The following CEP85L variants were observed in gnomAD, a reference collection of about 807,000 sequenced individuals.
CEP85L encodes the protein centrosomal protein of 85 kDa-like.
A neutral mutation model predicts 100.3 loss-of-function variants in CEP85L; 60 were observed. The ratio of observed to expected loss-of-function variants is 0.60; its 90% CI spans 0.49 to 0.74. CEP85L has a LOEUF of 0.74. CEP85L is among the 30% of genes least tolerant of loss of function. The probability of loss-of-function intolerance (pLI) is 0.00; values close to 1 mark genes in which losing one functional copy is unlikely to be tolerated. For synonymous variants in CEP85L, 319 were observed against 322.7 expected, an observed-to-expected ratio of 0.99 and a Z score of 0.12; for missense variants, 973 against 936.2, an observed-to-expected ratio of 1.04 and a Z score of -0.51.
intron 1 of CEP85L, among the ~76,000 whole-genome samples, chr6:118,636,561 G>C (rs530368779): frequency 6.6e-6 from 1 of 152,292 alleles, no homozygotes; most frequent in South Asian, 2.1e-4. Flanking sequence ...CTTCCGTGAA[G>C]GTGTTTGGAT....
At chr6:118,652,422 T>G, upstream of CEP85L, 1 of 1,145,228 alleles carries the variant, frequency 8.7e-7, no homozygotes, top group Non-Finnish European at 1.1e-6. Context: ...GGCAATATGG[T>G]GATGCTTCCA....
At chr6:118,578,011 G>T (rs1305151980) in intron 2 of CEP85L, among the ~76,000 whole-genome samples, 2 of 152,088 alleles carry the variant, frequency 1.3e-5, no homozygotes, top group Admixed American at 1.3e-4. Context: ...ATGACCAAGA[G>T]GAACAACAAA....
At chr6:118,508,032 A>T (rs1562211170) in intron 5 of CEP85L, among the ~76,000 whole-genome samples, 1 of 152,218 alleles carries the variant, frequency 6.6e-6, no homozygotes, top group Non-Finnish European at 1.5e-5. Flanking sequence ...ATTTTTAAGG[A>T]AATGGATAAA....
intron 5 of CEP85L, among the ~76,000 whole-genome samples, chr6:118,506,947 T>C (rs1463134278): frequency 1.3e-5 from 2 of 152,178 alleles, no homozygotes; most frequent in Non-Finnish European, 1.5e-5. Context: ...CCTTCTAAAA[T>C]GCTGCTGTTT....
Position 118,462,454 on chromosome 6 carries a change from A to G in CEP85L, c.*2951T>C, listed in dbSNP as rs1772282193. On this transcript the variant is annotated 3_prime_UTR_variant, in exon 13 of 13. Transcript: ENST00000368491. The stretch of plus-strand genomic sequence containing the variant: ...GCAATTTGGGTCTTTCATTGAGTCA[A>G]CTGTTACTTTATGCTTGCTGTAATG... 1 of 152,022 alleles carries G rather than the reference A, an allele frequency of 6.6e-6. No individual in the cohort carries two copies. Among genetic ancestry groups the G allele is most frequent in the South Asian group, 2.1e-4 (1 of 4,824 alleles). The allele number at this position is 152,022 out of a possible 1,614,324, so 9.4% of individuals were successfully genotyped here.
intron 1 of CEP85L, among the ~76,000 whole-genome samples, chr6:118,643,057 G>A (rs1204448367): frequency 6.6e-6 from 1 of 151,784 alleles, no homozygotes. Flanking sequence ...TATACAACTT[G>A]GTATTTCAGA....
intron 10 of CEP85L, among the ~76,000 whole-genome samples, chr6:118,477,518 A>G (rs1773474352): frequency 6.6e-6 from 1 of 152,150 alleles, no homozygotes; most frequent in African/African-American, 2.4e-5. Flanking sequence ...TTTATCTCCT[A>G]TAAATTGGAC....
intron 2 of CEP85L, among the ~76,000 whole-genome samples, chr6:118,616,860 A>C (rs1773088760): frequency 6.6e-6 from 1 of 151,136 alleles, no homozygotes; most frequent in Admixed American, 6.6e-5. Flanking sequence ...CAGGAGAATC[A>C]CTTGAACCCG....
chr6:118,480,321 C>A, intron 9 of CEP85L, 75 bp downstream of exon 9: 1 of 684,054 alleles, frequency 1.5e-6, no homozygotes, highest in Non-Finnish European at 2.4e-6. Context: ...CATAAAATAG[C>A]TATAAATTAT....
intron 2 of CEP85L, among the ~76,000 whole-genome samples, chr6:118,604,449 T>C (rs536178828): frequency 1.3e-5 from 2 of 152,364 alleles, no homozygotes; most frequent in South Asian, 4.1e-4. Context: ...AAATAATTAT[T>C]TAACTCTTTA....
chr6:118,524,019 A>T, intron 3 of CEP85L, 99 bp from the exon 4 acceptor site: 1 of 482,882 alleles, frequency 2.1e-6, no homozygotes, highest in South Asian at 4.3e-5. Context: ...AAAAAAAAGA[A>T]CTCCCTCTTT....
intron 2 of CEP85L, among the ~76,000 whole-genome samples, chr6:118,575,731 G>T (rs1395632837): frequency 6.6e-6 from 1 of 152,160 alleles, no homozygotes; most frequent in African/African-American, 2.4e-5. Context: ...TATATGTGAT[G>T]CAGTCCTTAG....
intron 3 of CEP85L, among the ~76,000 whole-genome samples, chr6:118,525,584 T>C (rs1776918759): frequency 6.6e-6 from 1 of 152,174 alleles, no homozygotes; most frequent in Admixed American, 6.5e-5. Context: ...GAGATTGGAA[T>C]GACACATCTA....
intron 2 of CEP85L, among the ~76,000 whole-genome samples, chr6:118,598,758 A>G (rs1259758303): frequency 6.6e-6 from 1 of 152,202 alleles, no homozygotes; most frequent in East Asian, 1.9e-4. Context: ...TAAGTCCTCT[A>G]GTTTGTGGTA....
At chr6:118,677,297 G>C (rs901576576) in intron 1 of CEP85L, among the ~76,000 whole-genome samples, 1 of 152,188 alleles carries the variant, frequency 6.6e-6, no homozygotes, top group Non-Finnish European at 1.5e-5. Flanking sequence ...AAGATAATAA[G>C]GAAGTCCTTA....
chr6:118,570,299 A>T (rs2115022073), intron 2 of CEP85L, among the ~76,000 whole-genome samples: 1 of 152,284 alleles, frequency 6.6e-6, no homozygotes, highest in South Asian at 2.1e-4. Flanking sequence ...TTGTTCTGTG[A>T]CCTCAAAAGA....
intron 2 of CEP85L, among the ~76,000 whole-genome samples, chr6:118,574,875 T>C (rs1186182254): frequency 6.6e-6 from 1 of 152,124 alleles, no homozygotes; most frequent in East Asian, 1.9e-4. Context: ...TTAGGGTAGC[T>C]TTCCTGTCGA....
chr6:118,493,423 G>C (rs1774702911), intron 5 of CEP85L, among the ~76,000 whole-genome samples: 1 of 152,066 alleles, frequency 6.6e-6, no homozygotes, highest in South Asian at 2.1e-4. Context: ...CTGATGAAAG[G>C]GAAGAGATGA....
chr6:118,645,745 A>G (rs1242559154), intron 1 of CEP85L, among the ~76,000 whole-genome samples: 1 of 152,252 alleles, frequency 6.6e-6, no homozygotes, highest in African/African-American at 2.4e-5. Context: ...GCCTCCGTAG[A>G]GCAAGAACCT....
Sources: allele counts gnomAD v4.1 joint callset (sites outside exome capture counted in the v4.1 genomes callset), GRCh38; gene constraint gnomAD v4.1.1; transcripts MANE v1.5; gene names NCBI Gene and HGNC (gene_info 2026-07-23, HGNC 2026-07-21).